The following TCP11 variants were observed in gnomAD, a reference collection of about 807,000 sequenced individuals.
The protein encoded by TCP11 is T-complex protein 11 homolog.
In TCP11, 34 loss-of-function variants were observed where a neutral mutation model predicts 45.0. The ratio of observed to expected loss-of-function variants is 0.76; its 90% CI spans 0.57 to 1.01. The LOEUF is 1.01. TCP11 is among the 50% of genes least tolerant of loss of function. The pLI, the probability that TCP11 is intolerant of heterozygous loss-of-function variation, is 0.00. For missense variants in TCP11, 523 were observed against 598.1 expected, an observed-to-expected ratio of 0.87 and a Z score of 1.31; for synonymous variants, 227 against 227.0, an observed-to-expected ratio of 1.00 and a Z score of 0.00.
intron 4 of TCP11, among the ~76,000 whole-genome samples, chr6:35,125,189 A>C (rs1779687560): frequency 6.6e-6 from 1 of 151,284 alleles, no homozygotes. Flanking sequence ...GTCTCAAAAA[A>C]AAAAAAAAAA....
chr6:35,141,031 G>A (rs1349699214), intron 1 of TCP11, 147 bp from the exon 2 acceptor site: 3 of 1,243,750 alleles, frequency 2.4e-6, no homozygotes, highest in African/African-American at 1.6e-5. Flanking sequence ...GGAGCGTGGA[G>A]GAGCGGAAGT....
At chr6:35,141,130 C>T in intron 1 of TCP11, 75 bp downstream of exon 1, 1 of 1,314,904 alleles carries the variant, frequency 7.6e-7, no homozygotes, top group Non-Finnish European at 9.7e-7. Context: ...GTGGGAAGGC[C>T]CCTTCCTTCG....
rs1167919272 is a variant in TCP11, at chr6:35,118,152, A to ATCC, written c.*116_*117insGGA. 7 of 820,846 alleles carry ATCC rather than the reference A, an allele frequency of 8.5e-6. No homozygotes were observed. The highest frequency in any genetic ancestry group is 1.7e-5 in the African/African-American group (1 of 59,386). 50.8% of individuals were successfully genotyped at this position (820,846 alleles called of 1,614,324 possible). On this transcript the variant is annotated 3_prime_UTR_variant, in exon 10 of 10. Coordinates refer to ENST00000311875, the MANE Select transcript of TCP11 (RefSeq NM_001370687.1). ...TGCTTGATCCCTACAGCCTTGGTGTACTGGCTGCAGGGCCTGGGATAGAAG... is the reference window on the plus strand; with the variant it reads ...TGCTTGATCCCTACAGCCTTGGTGTATCCCTGGCTGCAGGGCCTGGGATAGAAG...
At chr6:35,133,569 A>C (rs945031648) in intron 3 of TCP11, among the ~76,000 whole-genome samples, 1 of 152,008 alleles carries the variant, frequency 6.6e-6, no homozygotes, top group Non-Finnish European at 1.5e-5. Flanking sequence ...AGGCGGGTGG[A>C]TCACGAGGTC....
At chr6:35,138,454 T>C (rs943875105) in intron 2 of TCP11, among the ~76,000 whole-genome samples, 4 of 152,236 alleles carry the variant, frequency 2.6e-5, no homozygotes, top group African/African-American at 7.2e-5. Context: ...GAGGTCATTA[T>C]GTTAAGTGAA....
chr6:35,138,047 C>T (rs751130952), intron 2 of TCP11, among the ~76,000 whole-genome samples: 4 of 152,140 alleles, frequency 2.6e-5, no homozygotes, highest in Non-Finnish European at 5.9e-5. Flanking sequence ...TTGTATCTCA[C>T]CCCAGTTAAA....
chr6:35,137,650 G>C, intron 2 of TCP11: 1 of 352,086 alleles, frequency 2.8e-6, no homozygotes, highest in South Asian at 2.3e-5. Flanking sequence ...CTATAGTACA[G>C]CTGATAGCAT....
intron 4 of TCP11, among the ~76,000 whole-genome samples, chr6:35,127,222 A>C (rs1438780843): frequency 6.6e-6 from 1 of 152,202 alleles, no homozygotes; most frequent in Non-Finnish European, 1.5e-5. Context: ...ACTGTACTGG[A>C]TGCCGTACTT....
At position 35,136,185 on chromosome 6, in the gene TCP11, T is replaced by C; in HGVS notation, c.158A>G (p.Asn53Ser). The change falls in exon 3 of 10, where the codon AAT becomes AGT. Residue 53 changes from asparagine to serine, a missense_variant. Physicochemically the swap from Asn to Ser is conservative, Grantham distance 46. Around this residue, in one of 2 missense-constraint regions of TCP11, gnomAD observed 225 missense variants for 210.2 expected, o/e 1.07. Coordinates refer to ENST00000311875, the MANE Select transcript of TCP11 (RefSeq NM_001370687.1). ...CTTGTTGCTCAGCTTGGAAACTTCATTAACGGTTTCTGTCAGACCTGTGAC... is the reference window on the plus strand; with the variant it reads ...CTTGTTGCTCAGCTTGGAAACTTCACTAACGGTTTCTGTCAGACCTGTGAC... ...LSVTGLTETV[N>S]EVSKLSNKIG... 6.2e-7 allele frequency: 1 copy of C among 1,613,546 alleles called. No individual in the cohort carries two copies. Among genetic ancestry groups the C allele is most frequent in the Non-Finnish European group, 8.5e-7 (1 of 1,179,798 alleles).
In TCP11 at chr6:35,120,842, C is replaced by G; in HGVS notation, c.715+67G>C. 6.5e-7 allele frequency: 1 copy of G among 1,541,574 alleles called. No homozygotes were observed. The highest frequency in any genetic ancestry group is 8.8e-7 in the Non-Finnish European group (1 of 1,140,312). On this transcript the variant is annotated intron_variant, in intron 6 of 9. Transcript: ENST00000311875. The surrounding 1 kb of genome is among the most constrained non-coding windows in gnomAD (Gnocchi z 4.9). ...TTCCTAAAAAGAGATAGAGTACTCT[C>G]TAACATTATAAAAGTCAGACCCAAG...
intron 3 of TCP11, among the ~76,000 whole-genome samples, chr6:35,131,903 C>G (rs1780496168): frequency 6.6e-6 from 1 of 152,098 alleles, no homozygotes; most frequent in African/African-American, 2.4e-5. Context: ...TGCCTGGCCC[C>G]CTCCTACCAT....
At chr6:35,139,953 G>A in intron 2 of TCP11, 1 of 1,486,400 alleles carries the variant, frequency 6.7e-7, no homozygotes, top group Admixed American at 1.8e-5. Context: ...TTTATATATG[G>A]ACTCATTTAA....
At chr6:35,122,616 T>C (rs1260941813) in intron 4 of TCP11, among the ~76,000 whole-genome samples, 1 of 152,010 alleles carries the variant, frequency 6.6e-6, no homozygotes, top group African/African-American at 2.4e-5. Flanking sequence ...ACATACGGGG[T>C]ACAACAAATA....
chr6:35,123,651 CTTTT>C (rs3045081), intron 4 of TCP11, among the ~76,000 whole-genome samples: 24 of 128,008 alleles, frequency 1.9e-4, no homozygotes, highest in Admixed American at 1.1e-3. Flanking sequence ...AGTTTTCTTT[CTTTT>C]TTTTTTTTTT....
At position 35,141,198 on chromosome 6, in the gene TCP11, C is replaced by A; in HGVS notation, c.-15+7G>T. 6 of 1,403,434 alleles carry A rather than the reference C, an allele frequency of 4.3e-6. No individual in the cohort carries two copies. The highest frequency in any genetic ancestry group is 4.6e-6 in the Non-Finnish European group (5 of 1,081,582). The allele number at this position is 1,403,434 out of a possible 1,614,324, so 86.9% of individuals were successfully genotyped here. Reference sequence around the variant, plus strand: ...CCCAGGCCCGCCTCCGGCTCCCAGGCCGTCACCTCCTCCTCCCCCGCCGCG... The same window carrying A: ...CCCAGGCCCGCCTCCGGCTCCCAGGACGTCACCTCCTCCTCCCCCGCCGCG... On this transcript the variant is annotated splice_region_variant and intron_variant, in intron 1 of 9. Coordinates refer to ENST00000311875, the MANE Select transcript of TCP11 (RefSeq NM_001370687.1).
intron 2 of TCP11, chr6:35,137,681 T>G (rs1306967909): frequency 2.4e-6 from 1 of 416,428 alleles, no homozygotes; most frequent in Non-Finnish European, 4.8e-6. Context: ...TAGGTATATA[T>G]GGTAGTTACA....
At chr6:35,125,204 GAAAA>G (rs1355961223) in intron 4 of TCP11, among the ~76,000 whole-genome samples, 2 of 145,378 alleles carry the variant, frequency 1.4e-5, no homozygotes, top group Non-Finnish European at 1.5e-5. Flanking sequence ...AAAAAAGAAA[GAAAA>G]AAGAAAAAAA....
intron 4 of TCP11, chr6:35,128,598 G>A (rs1007674864): frequency 6.8e-6 from 1 of 146,648 alleles, no homozygotes; most frequent in African/African-American, 2.7e-5. Context: ...CATTGCAAAG[G>A]CAAGAGCTTT....
chr6:35,141,189 G>T lies in TCP11; in HGVS notation c.-15+16C>A. On this transcript the variant is annotated intron_variant, in intron 1 of 9. Coordinates refer to ENST00000311875, the MANE Select transcript of TCP11 (RefSeq NM_001370687.1). Reference sequence around the variant, plus strand: ...AAACGCCGGCCCAGGCCCGCCTCCGGCTCCCAGGCCGTCACCTCCTCCTCC... The same window carrying T: ...AAACGCCGGCCCAGGCCCGCCTCCGTCTCCCAGGCCGTCACCTCCTCCTCC... 2 of 1,387,506 alleles carry T rather than the reference G, an allele frequency of 1.4e-6. No homozygotes were observed. Among genetic ancestry groups the T allele is most frequent in the Non-Finnish European group, 1.9e-6 (2 of 1,073,758 alleles). The allele number at this position is 1,387,506 out of a possible 1,614,324, so 85.9% of individuals were successfully genotyped here.
Sources: allele counts gnomAD v4.1 joint callset (sites outside exome capture counted in the v4.1 genomes callset), GRCh38; gene constraint gnomAD v4.1.1; regional missense constraint gnomAD v4.1.1; non-coding constraint Gnocchi (gnomAD v3.1); transcripts MANE v1.5; gene names NCBI Gene and HGNC (gene_info 2026-07-23, HGNC 2026-07-21).